Variants in LHFPL4 observed in about 807,000 individuals in gnomAD.
LHFPL4 encodes LHFPL tetraspan subfamily member 4 protein.
In LHFPL4, 6 loss-of-function variants were observed where a neutral mutation model predicts 20.0. The ratio of observed to expected loss-of-function variants is 0.30; its 90% CI spans 0.16 to 0.59. The LOEUF (loss-of-function observed/expected upper bound fraction) is 0.59. Ranked by LOEUF, LHFPL4 falls within the 20% of genes least tolerant of loss-of-function variation. The pLI, the probability that LHFPL4 is intolerant of heterozygous loss-of-function variation, is 0.88. For missense variants in LHFPL4, 215 were observed against 331.2 expected, an observed-to-expected ratio of 0.65 and a Z score of 2.72; for synonymous variants, 129 against 143.8, an observed-to-expected ratio of 0.90 and a Z score of 0.74.
intron 2 of LHFPL4, among the ~76,000 whole-genome samples, chr3:9,524,306 T>C (rs1369070335): frequency 6.6e-6 from 1 of 152,062 alleles, no homozygotes; most frequent in Non-Finnish European, 1.5e-5. Context: ...TTTGGGGACA[T>C]TTTCAGTCAT....
chr3:9,521,651 C>T (rs2046338445), intron 2 of LHFPL4, among the ~76,000 whole-genome samples: 1 of 152,092 alleles, frequency 6.6e-6, no homozygotes, highest in South Asian at 2.1e-4. Context: ...GATCTGCCTG[C>T]CTTGGCCTCC....
Position 9,501,842 on chromosome 3 carries a change from G to C in LHFPL4, c.*369C>G, listed in dbSNP as rs917072095. Reference sequence around the variant, plus strand: ...AGAAGAGGTGCGGATACAGCCAGGCGGCAGCCCTCCAGACTGAGGGGGCCT... The same window carrying C: ...AGAAGAGGTGCGGATACAGCCAGGCCGCAGCCCTCCAGACTGAGGGGGCCT... On this transcript the variant is annotated 3_prime_UTR_variant, in exon 4 of 4. Transcript: ENST00000287585. 4.6e-6 allele frequency: 1 copy of C among 218,896 alleles called. No homozygotes were observed. Among genetic ancestry groups the C allele is most frequent in the Non-Finnish European group, 9.0e-6 (1 of 111,182 alleles). 13.6% of individuals were successfully genotyped at this position (218,896 alleles called of 1,614,324 possible).
Position 9,509,246 on chromosome 3 carries a change from C to CCT in LHFPL4, c.407-3045_407-3044dup, listed in dbSNP as rs1553646187. Among the ~76,000 whole-genome samples the CCT allele has an allele frequency of 1.0e-4, 15 of 146,766 alleles. 1 individual carries two copies. The highest frequency in any genetic ancestry group is 1.8e-4 in the Non-Finnish European group (12 of 67,032). On this transcript the variant is annotated intron_variant, in intron 2 of 3. Transcript: ENST00000287585. Reference sequence around the variant, plus strand: ...CCCTTTTCATCTTTCTTCGCACCCCCCTCTCTCTCTCTCTGGCTTGTCTAC... The same window carrying CCT: ...CCCTTTTCATCTTTCTTCGCACCCCCCTCTCTCTCTCTCTCTGGCTTGTCTAC...
At chr3:9,541,549 A>C (rs1360302776) in intron 2 of LHFPL4, among the ~76,000 whole-genome samples, 2 of 152,084 alleles carry the variant, frequency 1.3e-5, no homozygotes, top group Non-Finnish European at 2.9e-5. Flanking sequence ...AGGCGGGTGG[A>C]TCACATGAGG....
chr3:9,548,095 C>A (rs900608478), intron 2 of LHFPL4, among the ~76,000 whole-genome samples: 1 of 152,098 alleles, frequency 6.6e-6, no homozygotes, highest in African/African-American at 2.4e-5. Context: ...CATGAGCCAC[C>A]GAGCCTGGCT....
chr3:9,513,821 G>C (rs971807206), intron 2 of LHFPL4, among the ~76,000 whole-genome samples: 2 of 152,182 alleles, frequency 1.3e-5, no homozygotes, highest in East Asian at 1.9e-4. Context: ...AAGGTCACAA[G>C]GTAGACTGAG....
chr3:9,536,789 C>T (rs1559521758), intron 2 of LHFPL4, among the ~76,000 whole-genome samples: 3 of 151,660 alleles, frequency 2.0e-5, no homozygotes, highest in Admixed American at 6.6e-5. Context: ...TAGTGAGACC[C>T]TATCTCTAAA....
intron 2 of LHFPL4, among the ~76,000 whole-genome samples, chr3:9,539,136 T>C (rs1463719138): frequency 1.3e-5 from 2 of 152,174 alleles, no homozygotes; most frequent in Non-Finnish European, 2.9e-5. Context: ...TACAGATTCC[T>C]GATCCAGGGC....
chr3:9,536,981 G>A (rs2542378), intron 2 of LHFPL4, among the ~76,000 whole-genome samples: 9,620 of 151,870 alleles, frequency 0.063, 365 homozygotes, highest in African/African-American at 0.094. Context: ...AGCTACTCAG[G>A]AGGCTGAGAT....
In LHFPL4 at chr3:9,499,756, G is replaced by A. The variant is rs181032827; in HGVS notation, c.*2455C>T. ...TTGGTGGGTGTCCTTGGGGAACAAG[G>A]TGTGGCAAGGACACCTGGTGGCAGG... On this transcript the variant is annotated 3_prime_UTR_variant, in exon 4 of 4. Transcript: ENST00000287585. 972 of 152,332 alleles carry A rather than the reference G, an allele frequency of 6.4e-3. 5 individuals are homozygous for A. Among genetic ancestry groups the A allele is most frequent in the Middle Eastern group, 0.014 (4 of 296 alleles). The allele number at this position is 152,332 out of a possible 1,614,324, so 9.4% of individuals were successfully genotyped here.
chr3:9,537,359 G>A (rs1487197195), intron 2 of LHFPL4, among the ~76,000 whole-genome samples: 3 of 152,160 alleles, frequency 2.0e-5, no homozygotes, highest in African/African-American at 7.2e-5. Context: ...AGTTTTGGAG[G>A]GGGGTACTGT....
At chr3:9,523,088 G>GAA (rs2046350147) in intron 2 of LHFPL4, among the ~76,000 whole-genome samples, 11 of 128,936 alleles carry the variant, frequency 8.5e-5, no homozygotes, top group Non-Finnish European at 1.6e-4. Context: ...AAGAAAGAAA[G>GAA]AAAGAGAGAG....
intron 2 of LHFPL4, among the ~76,000 whole-genome samples, chr3:9,529,220 G>C (rs1009324428): frequency 6.6e-6 from 1 of 151,830 alleles, no homozygotes; most frequent in Non-Finnish European, 1.5e-5. Flanking sequence ...GTAGAGACGG[G>C]GTTTCACCAT....
At chr3:9,526,684 G>C (rs1438643877) in intron 2 of LHFPL4, among the ~76,000 whole-genome samples, 8 of 152,196 alleles carry the variant, frequency 5.3e-5, no homozygotes, top group Non-Finnish European at 1.2e-4. Flanking sequence ...GACAAAATAA[G>C]GTCATTAGGG....
chr3:9,528,444 C>T (rs2046388213), intron 2 of LHFPL4, among the ~76,000 whole-genome samples: 1 of 152,150 alleles, frequency 6.6e-6, no homozygotes, highest in Non-Finnish European at 1.5e-5. Context: ...CATCTTCAGG[C>T]TCCACTTCTA....
intron 2 of LHFPL4, among the ~76,000 whole-genome samples, chr3:9,540,417 T>C (rs1378516510): frequency 6.6e-6 from 1 of 152,212 alleles, no homozygotes; most frequent in Non-Finnish European, 1.5e-5. Flanking sequence ...TCTCCTCTTC[T>C]AGAATGTGGG....
chr3:9,524,638 C>T (rs2046361864), intron 2 of LHFPL4, among the ~76,000 whole-genome samples: 1 of 152,056 alleles, frequency 6.6e-6, no homozygotes, highest in Non-Finnish European at 1.5e-5. Context: ...CTTACGTTGC[C>T]CATCTGTTCT....
intron 2 of LHFPL4, among the ~76,000 whole-genome samples, chr3:9,508,205 A>G (rs927887487): frequency 2.6e-5 from 4 of 152,166 alleles, no homozygotes; most frequent in African/African-American, 9.7e-5. Context: ...TCCGGCTTCC[A>G]ACGGAGTGGG....
At position 9,552,745 on chromosome 3, in the gene LHFPL4, C is replaced by G. The variant is rs1156463177; in HGVS notation, c.-66G>C. 1.6e-5 allele frequency: 16 copies of G among 990,894 alleles called. No individual in the cohort carries two copies. The Admixed American group carries it at 5.3e-4, about 33-fold the overall frequency. 61.4% of individuals were successfully genotyped at this position (990,894 alleles called of 1,614,324 possible). A position where few individuals can be genotyped will look rare whatever the true frequency, so the allele number is the denominator to read the frequency against. ...GGGCCGCCGGCCCGGGACGGAGCGC[C>G]GGGCTGCCGGGCGGGAGCTGGGGAC... On this transcript the variant is annotated 5_prime_UTR_variant, in exon 2 of 4. Coordinates refer to ENST00000287585, the MANE Select transcript of LHFPL4 (RefSeq NM_198560.3).
Sources: gnomAD v4.1 joint callset for allele counts (sites outside exome capture counted in the v4.1 genomes callset) on GRCh38, gnomAD v4.1.1 for gene constraint, MANE v1.5 for transcripts, NCBI Gene and HGNC (gene_info 2026-07-23, HGNC 2026-07-21) for gene names.